SH3YL1: variants seen among roughly 807,000 people sequenced by gnomAD.
The protein encoded by SH3YL1 is SH3 and SYLF domain containing 1, also known as SH3 domain-containing YSC84-like protein 1.
Under a neutral mutation model 45.8 loss-of-function variants are expected in SH3YL1, and 41 were observed. The observed-to-expected ratio is 0.89, with a 90% CI of 0.70 to 1.16. The LOEUF (loss-of-function observed/expected upper bound fraction) is 1.16, where lower values mean the gene tolerates loss of function less well. Ranked by LOEUF, SH3YL1 falls within the 50% of genes most tolerant of loss-of-function variation. The pLI is 0.00. For synonymous variants in SH3YL1, 152 were observed against 151.4 expected, an observed-to-expected ratio of 1.00 and a Z score of -0.03; for missense variants, 389 against 409.6, an observed-to-expected ratio of 0.95 and a Z score of 0.43.
chr2:243,756 G>A (rs1402261834), intron 4 of SH3YL1, among the ~76,000 whole-genome samples: 1 of 152,054 alleles, frequency 6.6e-6, no homozygotes, highest in Non-Finnish European at 1.5e-5. Context: ...ATCAGGCTCC[G>A]CTTCTAGTGA....
chr2:264,046 C>G (rs1669730276), upstream of SH3YL1: 2 of 1,361,704 alleles, frequency 1.5e-6, no homozygotes, highest in Non-Finnish European at 1.9e-6. Flanking sequence ...GGCGCGCTGC[C>G]CCGCCCCGCG....
chr2:243,541 G>A, intron 4 of SH3YL1: 3 of 1,540,220 alleles, frequency 1.9e-6, no homozygotes, highest in Admixed American at 2.0e-5. Context: ...TGCTCAGAGG[G>A]AATATGTAGC....
chr2:260,231 A>G (rs1277046095), intron 1 of SH3YL1: 1 of 152,178 alleles, frequency 6.6e-6, no homozygotes, highest in Non-Finnish European at 1.5e-5. Context: ...ATATGTTTTA[A>G]TTACATTTAT....
Position 263,901 on chromosome 2 carries a change from T to A in SH3YL1, c.1+83A>T, listed in dbSNP as rs1299493672. The A allele has an allele frequency of 5.6e-6, 7 of 1,248,448 alleles. No individual in the cohort carries two copies. In the African/African-American group the frequency reaches 7.6e-5, roughly 14 times the overall value. The allele number at this position is 1,248,448 out of a possible 1,614,324, so 77.3% of individuals were successfully genotyped here. A position where few individuals can be genotyped will look rare whatever the true frequency, so the allele number is the denominator to read the frequency against. ...CTAGAAACCCCAGAGGCATCGCCGG[T>A]TTTCCCGTCCTCCTCCTCCCACCAC... is the stretch of plus-strand genomic sequence containing the variant. On this transcript the variant is annotated intron_variant, in intron 1 of 9. Coordinates refer to ENST00000356150, the MANE Select transcript of SH3YL1 (RefSeq NM_015677.4).
At chr2:229,468 G>A (rs1201123703) in intron 8 of SH3YL1, among the ~76,000 whole-genome samples, 4 of 152,010 alleles carry the variant, frequency 2.6e-5, no homozygotes, top group Admixed American at 6.5e-5. Context: ...GGTGGCTCAC[G>A]CCTGTAATCC....
chr2:234,801 A>T (rs73911040), intron 4 of SH3YL1, among the ~76,000 whole-genome samples: 1 of 152,076 alleles, frequency 6.6e-6, no homozygotes, highest in African/African-American at 2.4e-5. Flanking sequence ...GGGCCACTTC[A>T]CTATAGGTCA....
chr2:252,081 A>C (rs759032192), intron 2 of SH3YL1, among the ~76,000 whole-genome samples: 4 of 152,182 alleles, frequency 2.6e-5, no homozygotes, highest in Non-Finnish European at 5.9e-5. Context: ...GACTGATCTT[A>C]TGTGTCACTG....
chr2:245,781 C>A (rs886525092), intron 4 of SH3YL1, among the ~76,000 whole-genome samples: 1 of 151,732 alleles, frequency 6.6e-6, no homozygotes, highest in Non-Finnish European at 1.5e-5. Flanking sequence ...CTTATTTTGT[C>A]AAAAATATGA....
chr2:249,614 A>G (rs957882988), intron 3 of SH3YL1, 117 bp downstream of exon 3: 3 of 724,914 alleles, frequency 4.1e-6, no homozygotes, highest in South Asian at 3.7e-5. Flanking sequence ...CCCTTATTAC[A>G]TAAGTTTTAG....
At chr2:245,626 C>A (rs1482319404) in intron 4 of SH3YL1, among the ~76,000 whole-genome samples, 2 of 152,120 alleles carry the variant, frequency 1.3e-5, no homozygotes, top group Non-Finnish European at 2.9e-5. Context: ...GCACCCAGGT[C>A]AGAATTGGAG....
At chr2:253,238 T>C (rs1258195263) in intron 1 of SH3YL1, 123 bp from the exon 2 acceptor site, 1 of 615,642 alleles carries the variant, frequency 1.6e-6, no homozygotes, top group Admixed American at 3.0e-5. Flanking sequence ...GACTCCATTT[T>C]GAATAGGAGC....
intron 4 of SH3YL1, among the ~76,000 whole-genome samples, chr2:234,740 A>T (rs1471496932): frequency 6.6e-6 from 1 of 152,144 alleles, no homozygotes; most frequent in Non-Finnish European, 1.5e-5. Flanking sequence ...GAGCCTTTCT[A>T]CACTCTCCTC....
At chr2:264,204 C>T (rs1669740422), upstream of SH3YL1, 2 of 545,604 alleles carry the variant, frequency 3.7e-6, no homozygotes, top group Admixed American at 4.2e-5. Context: ...GGAACCGCCC[C>T]GTCCTCAAGA....
At chr2:245,837 A>G (rs570610378) in intron 4 of SH3YL1, among the ~76,000 whole-genome samples, 7 of 152,342 alleles carry the variant, frequency 4.6e-5, no homozygotes, top group African/African-American at 7.2e-5. Flanking sequence ...AATTGTTAAC[A>G]AAACAATAAA....
chr2:222,259 T>A (rs1667611080), intron 9 of SH3YL1: 1 of 152,238 alleles, frequency 6.6e-6, no homozygotes, highest in Admixed American at 6.5e-5. Flanking sequence ...CATTGGTGAC[T>A]GGCAGCTGCC....
At chr2:221,222 C>T (rs901696036) in intron 9 of SH3YL1, among the ~76,000 whole-genome samples, 3 of 152,080 alleles carry the variant, frequency 2.0e-5, no homozygotes, top group East Asian at 1.9e-4. Context: ...CTCAACAGAC[C>T]AAACTGACAT....
intron 4 of SH3YL1, chr2:240,915 A>C (rs536326864): frequency 2.6e-5 from 4 of 152,348 alleles, no homozygotes; most frequent in African/African-American, 9.6e-5. Flanking sequence ...AGAGGCTCCT[A>C]GGGGGAGAGG....
intron 8 of SH3YL1, among the ~76,000 whole-genome samples, chr2:227,479 T>C (rs1256930859): frequency 6.6e-6 from 1 of 152,096 alleles, no homozygotes; most frequent in African/African-American, 2.4e-5. Flanking sequence ...GGATACTGAA[T>C]AATTATTAAA....
intron 1 of SH3YL1, among the ~76,000 whole-genome samples, chr2:257,247 T>G (rs971338539): frequency 3.3e-5 from 5 of 152,230 alleles, no homozygotes; most frequent in Non-Finnish European, 5.9e-5. Flanking sequence ...TAGGTCCCAT[T>G]TGTCAATTTT....
Sources: allele counts gnomAD v4.1 joint callset (sites outside exome capture counted in the v4.1 genomes callset), GRCh38; gene constraint gnomAD v4.1.1; transcripts MANE v1.5; gene names NCBI Gene and HGNC (gene_info 2026-07-23, HGNC 2026-07-21).